Variants in SLC66A2 observed in about 807,000 individuals in gnomAD.
SLC66A2 encodes PQ loop repeat containing 1.
Under a neutral mutation model 25.5 loss-of-function variants are expected in SLC66A2, and 23 were observed. That is an observed-to-expected ratio of 0.90 (90% CI 0.65 to 1.28). The LOEUF is 1.28. SLC66A2 is among the 50% of genes most tolerant of loss of function. SLC66A2 has a pLI of 0.00. For missense variants in SLC66A2, 396 were observed against 373.1 expected, an observed-to-expected ratio of 1.06 and a Z score of -0.51; for synonymous variants, 193 against 166.5, an observed-to-expected ratio of 1.16 and a Z score of -1.23.
At chr18:79,947,281 A>G (rs1381518830) in intron 2 of SLC66A2, 1 of 152,224 alleles carries the variant, frequency 6.6e-6, no homozygotes, top group Admixed American at 6.5e-5. Context: ...CAAATCCTGA[A>G]TGTTGGCATT....
In SLC66A2 at chr18:79,919,290, C is replaced by T. The variant is rs114579767; in HGVS notation, c.502G>A (p.Ala168Thr). ...GYITYLSIDSALFVETLGFLA... is the reference protein window; with the variant it reads ...GYITYLSIDSTLFVETLGFLA... The stretch of plus-strand genomic sequence containing the variant: ...AAGCCCAGGGTCTCCACAAACAGGG[C>T]GGAGTCAATGGACAGGTAGGTGATG... Residue 168 changes from alanine (A) to threonine (T), a missense_variant, in exon 5 of 6, where the codon GCC becomes ACC. Coordinates refer to ENST00000397778, the MANE Select transcript of SLC66A2 (RefSeq NM_025078.5). The T allele has an allele frequency of 3.0e-4, 486 of 1,613,300 alleles. 4 individuals are homozygous for T. In the East Asian group the frequency reaches 8.6e-3, roughly 29 times the overall value.
chr18:79,922,837 G>T (rs1488644690), intron 4 of SLC66A2, among the ~76,000 whole-genome samples: 1 of 140,506 alleles, frequency 7.1e-6, no homozygotes, highest in South Asian at 2.3e-4. Flanking sequence ...GGATTGGGGG[G>T]GTTGGGGTAT....
Position 79,948,353 on chromosome 18 carries a change from A to G in SLC66A2, c.203+2371T>C, listed in dbSNP as rs1178410744. Among the ~76,000 whole-genome samples the G allele has an allele frequency of 2.0e-5, 3 of 151,788 alleles. No homozygotes were observed. In the East Asian group the frequency reaches 5.8e-4, roughly 30 times the overall value. On this transcript the variant is annotated intron_variant, in intron 2 of 5. Coordinates refer to ENST00000397778, the MANE Select transcript of SLC66A2 (RefSeq NM_025078.5). ...CGATACTTAGATGGACATTAGATAG[A>G]TTCTTTTCTTTCTTTTTTTGAGACA...
intron 4 of SLC66A2, among the ~76,000 whole-genome samples, chr18:79,928,609 T>TGGCAGCA (rs1486262575): frequency 1.1e-4 from 17 of 152,226 alleles, no homozygotes; most frequent in African/African-American, 4.1e-4. Flanking sequence ...ACCACCTAAG[T>TGGCAGCA]GGCAGCAGGA....
chr18:79,910,051 C>T (rs1982816726), intron 5 of SLC66A2, among the ~76,000 whole-genome samples: 1 of 131,102 alleles, frequency 7.6e-6, no homozygotes, highest in Non-Finnish European at 1.6e-5. Context: ...CACACCCTCG[C>T]CAGAGTCCCC....
Position 79,934,870 on chromosome 18 carries a change from A to G in SLC66A2, c.338-848T>C, listed in dbSNP as rs562207840. The stretch of plus-strand genomic sequence containing the variant: ...AAGTGAACAGCTAAAAGCAAATACG[A>G]GGTGACCTCTGACCTCTGCCCTCTG... On this transcript the variant is annotated intron_variant, in intron 3 of 5. Transcript: ENST00000397778. Among the ~76,000 whole-genome samples, 405 of 152,346 alleles carry G rather than the reference A, an allele frequency of 2.7e-3. 4 individuals are homozygous for G. The highest frequency in any genetic ancestry group is 9.3e-3 in the African/African-American group (385 of 41,580).
At chr18:79,946,516 AGCCTGCT>A (rs1458583547) in intron 2 of SLC66A2, among the ~76,000 whole-genome samples, 11 of 152,214 alleles carry the variant, frequency 7.2e-5, no homozygotes, top group Non-Finnish European at 1.6e-4. Flanking sequence ...GTGGTGCAGG[AGCCTGCT>A]CCTCGGGAAG....
At chr18:79,906,591 C>T (rs1171323632) in intron 5 of SLC66A2, among the ~76,000 whole-genome samples, 1 of 152,176 alleles carries the variant, frequency 6.6e-6, no homozygotes, top group African/African-American at 2.4e-5. Flanking sequence ...AAATACTTTG[C>T]ACAATTTCAG....
chr18:79,949,138 G>T (rs577367277), intron 2 of SLC66A2, among the ~76,000 whole-genome samples: 1 of 152,142 alleles, frequency 6.6e-6, no homozygotes, highest in Admixed American at 6.6e-5. Flanking sequence ...ACAACTCTGG[G>T]GAAGAGGCAG....
chr18:79,905,443 G>A (rs1981968044), intron 5 of SLC66A2, among the ~76,000 whole-genome samples: 1 of 59,532 alleles, frequency 1.7e-5, no homozygotes, highest in Non-Finnish European at 3.1e-5. Flanking sequence ...CCAGCAGTCA[G>A]CCCAGGCTTC....
intron 4 of SLC66A2, among the ~76,000 whole-genome samples, chr18:79,933,423 A>C (rs1171002627): frequency 6.6e-6 from 1 of 152,222 alleles, no homozygotes; most frequent in Non-Finnish European, 1.5e-5. Context: ...GATAAGCAAT[A>C]AAAAGAAATA....
At position 79,918,051 on chromosome 18, in the gene SLC66A2, C is replaced by T. The variant is rs1426365332; in HGVS notation, c.608+1133G>A. 6.6e-6 allele frequency among the ~76,000 whole-genome samples: 1 copy of T among 152,020 alleles called. No individual in the cohort carries two copies. The highest frequency in any genetic ancestry group is 1.5e-5 in the Non-Finnish European group (1 of 67,974). ...ATAACCCTGGCCTGCACCTACATCTCACCCCCTACCACCACCCCACACCTA... is the reference window on the plus strand; with the variant it reads ...ATAACCCTGGCCTGCACCTACATCTTACCCCCTACCACCACCCCACACCTA... On this transcript the variant is annotated intron_variant, in intron 5 of 5. Transcript: ENST00000397778. This position sits in a 1 kb window ranked among gnomAD's most constrained non-coding sequence, Gnocchi z 4.0.
chr18:79,944,938 T>C (rs1988052073), intron 2 of SLC66A2, among the ~76,000 whole-genome samples: 2 of 57,520 alleles, frequency 3.5e-5, no homozygotes, highest in African/African-American at 6.3e-5. Flanking sequence ...CAGCACCCCC[T>C]TATCAACACA....
chr18:79,918,872 C>T lies in SLC66A2; in HGVS notation c.608+312G>A, dbSNP rs1599546700. On this transcript the variant is annotated intron_variant, in intron 5 of 5. Transcript: ENST00000397778. The surrounding 1 kb of genome is among the most constrained non-coding windows in gnomAD (Gnocchi z 4.0). ...TGGGCCAGGCTGGTTGCCCTGCACT[C>T]CTCCTGCCCCGTCTGGCCAGGCACT... 1.3e-5 allele frequency among the ~76,000 whole-genome samples: 2 copies of T among 152,232 alleles called. No homozygotes were observed. The highest frequency in any genetic ancestry group is 4.1e-4 in the South Asian group (2 of 4,828).
chr18:79,926,523 C>T (rs1005955555), intron 4 of SLC66A2, among the ~76,000 whole-genome samples: 30 of 152,226 alleles, frequency 2.0e-4, no homozygotes, highest in Admixed American at 1.5e-3. Context: ...ATCGCACACT[C>T]GATGGGCGCT....
Position 79,934,019 on chromosome 18 carries a change from G to A in SLC66A2, c.341C>T (p.Ala114Val), listed in dbSNP as rs754300691. 1 of 1,611,924 alleles carries A rather than the reference G, an allele frequency of 6.2e-7. No individual in the cohort carries two copies. Among genetic ancestry groups the A allele is most frequent in the Admixed American group, 1.7e-5 (1 of 59,804 alleles). Residue 114 changes from alanine (A) to valine (V), a missense_variant, in exon 4 of 6, where the codon GCA becomes GTA. Transcript: ENST00000397778. ...LNARRRSFTA[A>V]DSKDEEVKVA... ...CTTGACTTCTTCATCCTTGCTATCT[G>A]CAGCTACACGTTAAAAAGGGAGACA...
At chr18:79,935,661 TC>T (rs1366574068) in intron 3 of SLC66A2, among the ~76,000 whole-genome samples, 2 of 152,080 alleles carry the variant, frequency 1.3e-5, no homozygotes, top group African/African-American at 4.8e-5. Context: ...CTCAGGTAGC[TC>T]CCCCTTGGGA....
intron 2 of SLC66A2, among the ~76,000 whole-genome samples, chr18:79,949,024 C>T (rs367602396): frequency 6.6e-6 from 1 of 152,198 alleles, no homozygotes; most frequent in East Asian, 1.9e-4. Flanking sequence ...ACCCCTGAAC[C>T]TCCCTCAGAT....
In SLC66A2 at chr18:79,937,573, C is replaced by T. The variant is rs1987226486; in HGVS notation, c.338-3551G>A. On this transcript the variant is annotated intron_variant, in intron 3 of 5. Coordinates refer to ENST00000397778, the MANE Select transcript of SLC66A2 (RefSeq NM_025078.5). This position sits in a 1 kb window ranked among gnomAD's most constrained non-coding sequence, Gnocchi z 5.4. ...CGCCCATTTCTCTGCAGAGGGGCTCCAGCTAACAGACAACAAACATCCTGC... is the reference window on the plus strand; with the variant it reads ...CGCCCATTTCTCTGCAGAGGGGCTCTAGCTAACAGACAACAAACATCCTGC... Among the ~76,000 whole-genome samples the T allele has an allele frequency of 6.6e-6, 1 of 152,148 alleles. No homozygotes were observed. The highest frequency in any genetic ancestry group is 2.4e-5 in the African/African-American group (1 of 41,428).
Sources: allele counts gnomAD v4.1 joint callset (sites outside exome capture counted in the v4.1 genomes callset), GRCh38; gene constraint gnomAD v4.1.1; non-coding constraint Gnocchi (gnomAD v3.1); transcripts MANE v1.5; gene names NCBI Gene and HGNC (gene_info 2026-07-23, HGNC 2026-07-21).